HEXA: variants seen among roughly 807,000 people sequenced by gnomAD.
The protein encoded by HEXA is hexosaminidase subunit alpha.
A neutral mutation model predicts 73.3 loss-of-function variants in HEXA; 54 were observed. That is an observed-to-expected ratio of 0.74 (90% CI 0.59 to 0.92). The LOEUF is 0.92. HEXA is among the 40% of genes least tolerant of loss of function. HEXA has a pLI of 0.00. For synonymous variants in HEXA, 230 were observed against 246.9 expected (o/e 0.93, Z 0.64); for missense variants, 649 against 653.0 (o/e 0.99, Z 0.07).
At chr15:72,345,935 G>C in intron 12 of HEXA, 1 of 538,002 alleles carries the variant, frequency 1.9e-6, no homozygotes, top group Non-Finnish European at 3.3e-6. Context: ...CAGGAATCAT[G>C]GATGCTTGTG....
chr15:72,365,183 A>T (rs1306860338), intron 1 of HEXA, among the ~76,000 whole-genome samples: 1 of 152,110 alleles, frequency 6.6e-6, no homozygotes, highest in South Asian at 2.1e-4. Flanking sequence ...TCCGCCTCCC[A>T]GGTTCATGCC....
intron 1 of HEXA, chr15:72,359,604 G>A (rs1332410352): frequency 2.1e-5 from 3 of 141,444 alleles, no homozygotes; most frequent in African/African-American, 7.8e-5. Context: ...GCTGAGGCAG[G>A]AGAATCACTT....
rs1242269336 is a variant in HEXA at position 72,355,614 on chromosome 15, G to A, written c.357C>T (p.Thr119=). The change falls in exon 3 of 14, where the codon ACC becomes ACT. Residue 119 remains threonine, a synonymous_variant. Coordinates refer to ENST00000268097, the MANE Select transcript of HEXA (RefSeq NM_000520.6). ...TLESVENYTL[T]INDDQCLLLS... ...GGAGTAAACACTGGTCATCATTTATGGTCAGGGTATCTGAAATGACAGAAA... is the reference window on the plus strand; with the variant it reads ...GGAGTAAACACTGGTCATCATTTATAGTCAGGGTATCTGAAATGACAGAAA... 12 of 1,609,594 alleles carry A rather than the reference G, an allele frequency of 7.5e-6. No individual in the cohort carries two copies. The highest frequency in any genetic ancestry group is 1.0e-5 in the Non-Finnish European group (12 of 1,176,132).
chr15:72,375,937 C>T lies in HEXA; in HGVS notation c.36G>A (p.Leu12=). 1.9e-6 allele frequency: 3 copies of T among 1,614,140 alleles called. No individual in the cohort carries two copies. The highest frequency in any genetic ancestry group is 2.5e-6 in the Non-Finnish European group (3 of 1,180,034). Residue 12 remains leucine (L), a synonymous_variant, in exon 1 of 14, where the codon CTG becomes CTA. Transcript: ENST00000268097. Reference sequence around the variant, plus strand: ...TCGCCCGTCCTGCGAACGCTGCCGCCAGCAGCAGCGAAAACCAAAGCCTGG... The same window carrying T: ...TCGCCCGTCCTGCGAACGCTGCCGCTAGCAGCAGCGAAAACCAAAGCCTGG... ...TSSRLWFSLL[L]AAAFAGRATA... is the part of the protein sequence containing the mutation.
chr15:72,372,807 A>T (rs1226099718), intron 1 of HEXA, among the ~76,000 whole-genome samples: 1 of 152,226 alleles, frequency 6.6e-6, no homozygotes, highest in Non-Finnish European at 1.5e-5. Context: ...TTTCAGGTTC[A>T]GACAAAAACC....
At chr15:72,357,907 C>T (rs1357617790) in intron 1 of HEXA, 1 of 152,206 alleles carries the variant, frequency 6.6e-6, no homozygotes, top group East Asian at 1.9e-4. Flanking sequence ...CCTGGATCCC[C>T]ACACCAATAC....
In HEXA at chr15:72,350,791, CT is replaced by C; in HGVS notation, c.673-142del. On this transcript the variant is annotated intron_variant, in intron 6 of 13. Coordinates refer to ENST00000268097, the MANE Select transcript of HEXA (RefSeq NM_000520.6). ...GGTGTCAGGGACTATCTTCAAAAAA[CT>C]TGATCATAATTTCCCAGAAGTTATC... The C allele has an allele frequency of 8.1e-6, 7 of 860,410 alleles. No individual in the cohort carries two copies. In the South Asian group the frequency reaches 1.0e-4, roughly 13 times the overall value. 53.3% of individuals were successfully genotyped at this position (860,410 alleles called of 1,614,324 possible).
intron 13 of HEXA, among the ~76,000 whole-genome samples, chr15:72,344,485 A>G (rs1040211881): frequency 1.3e-5 from 2 of 152,178 alleles, no homozygotes; most frequent in East Asian, 3.8e-4. Flanking sequence ...AAGGCAGCCA[A>G]TGCTCTTGGT....
At chr15:72,348,934 G>A in intron 8 of HEXA, 145 bp downstream of exon 8, 3 of 720,718 alleles carry the variant, frequency 4.2e-6, no homozygotes, top group African/African-American at 1.8e-5. Context: ...ACGTAGATGG[G>A]CAGAGGAAGG....
chr15:72,363,780 T>A (rs1382275061), intron 1 of HEXA, among the ~76,000 whole-genome samples: 5 of 152,182 alleles, frequency 3.3e-5, no homozygotes, highest in Admixed American at 2.6e-4. Context: ...TGGGAAAAGC[T>A]GTAGTTAAAA....
Position 72,347,676 on chromosome 15 carries a change from C to A in HEXA, c.1146+10G>T. 6.2e-7 allele frequency: 1 copy of A among 1,613,412 alleles called. No homozygotes were observed. The highest frequency in any genetic ancestry group is 8.5e-7 in the Non-Finnish European group (1 of 1,179,366). On this transcript the variant is annotated intron_variant, in intron 10 of 13. Transcript: ENST00000268097. ...GCTGGTGGCTTCTTCTCTTCTCTGCCCCGGCTCACCTTTACTTTATTATCA... is the reference window on the plus strand; with the variant it reads ...GCTGGTGGCTTCTTCTCTTCTCTGCACCGGCTCACCTTTACTTTATTATCA...
At chr15:72,365,834 T>C (rs891390078) in intron 1 of HEXA, among the ~76,000 whole-genome samples, 1 of 152,214 alleles carries the variant, frequency 6.6e-6, no homozygotes, top group Non-Finnish European at 1.5e-5. Context: ...CTGGAATCTA[T>C]TTTCTTGGTA....
rs761054655 is a variant in HEXA at position 72,355,641 on chromosome 15, G to T, written c.347-17C>A. ...TCAGGGTATCTGAAATGACAGAAAT[G>T]AACTCATTTAGTTGGTTAAGGTTTT... On this transcript the variant is annotated splice_polypyrimidine_tract_variant and intron_variant, in intron 2 of 13. Coordinates refer to ENST00000268097, the MANE Select transcript of HEXA (RefSeq NM_000520.6). The T allele has an allele frequency of 1.3e-6, 2 of 1,574,412 alleles. No individual in the cohort carries two copies. Among genetic ancestry groups the T allele is most frequent in the Admixed American group, 1.7e-5 (1 of 59,912 alleles).
chr15:72,352,319 C>T (rs1435028896), intron 5 of HEXA, among the ~76,000 whole-genome samples: 6 of 152,016 alleles, frequency 3.9e-5, no homozygotes, highest in South Asian at 2.1e-4. Flanking sequence ...TTAGCTCTGC[C>T]GGCCAGGTGT....
At chr15:72,346,451 C>T (rs995463313) in intron 11 of HEXA, 76 bp downstream of exon 11, 3 of 1,540,860 alleles carry the variant, frequency 1.9e-6, no homozygotes, top group African/African-American at 2.7e-5. Context: ...AAATGTCTGG[C>T]CCAGACCTTC....
At chr15:72,345,758 A>T in intron 12 of HEXA, 2 of 665,512 alleles carry the variant, frequency 3.0e-6, no homozygotes, top group Non-Finnish European at 2.6e-6. Flanking sequence ...TGTGGGTAGC[A>T]ATCCCACTCT....
chr15:72,352,397 T>C (rs1284429107), intron 5 of HEXA, among the ~76,000 whole-genome samples: 1 of 148,758 alleles, frequency 6.7e-6, no homozygotes, highest in Non-Finnish European at 1.5e-5. Flanking sequence ...AGCCCAGGAG[T>C]TCAAGACCAG....
chr15:72,362,780 T>C (rs1299827623), intron 1 of HEXA, among the ~76,000 whole-genome samples: 1 of 152,176 alleles, frequency 6.6e-6, no homozygotes, highest in Non-Finnish European at 1.5e-5. Context: ...ACCTGGAAAC[T>C]ATCAATCTTT....
Position 72,353,138 on chromosome 15 carries a change from A to G in HEXA, c.500T>C (p.Phe167Ser). Residue 167 changes from phenylalanine to serine, a missense_variant, in exon 5 of 14, where the codon TTT becomes TCT. Physicochemically the swap from Phe to Ser is radical, Grantham distance 155. Coordinates refer to ENST00000268097, the MANE Select transcript of HEXA (RefSeq NM_000520.6). ...ATCCAACAGCAAGCCCCGGTGAGGA[A>G]AGCGGGGAAAGTCCTCAATCTCAGT... ...NKTEIEDFPR[F>S]PHRGLLLDTS... 1.2e-6 allele frequency: 2 copies of G among 1,613,168 alleles called. No individual in the cohort carries two copies. The highest frequency in any genetic ancestry group is 8.5e-7 in the Non-Finnish European group (1 of 1,179,138).
Sources: allele counts gnomAD v4.1 joint callset (sites outside exome capture counted in the v4.1 genomes callset), GRCh38; gene constraint gnomAD v4.1.1; transcripts MANE v1.5; gene names NCBI Gene and HGNC (gene_info 2026-07-23, HGNC 2026-07-21).